The following JAM3 variants were observed in gnomAD, a reference collection of about 807,000 sequenced individuals.
JAM3 encodes junctional adhesion molecule 3.
Under a neutral mutation model 39.4 loss-of-function variants are expected in JAM3, and 31 were observed. The ratio of observed to expected loss-of-function variants is 0.79; its 90% CI spans 0.59 to 1.06. The LOEUF is 1.06. Among genes scored for constraint, JAM3 ranks in the 50% least tolerant of loss-of-function variants. The probability of loss-of-function intolerance (pLI) is 0.00; values close to 1 mark genes in which losing one functional copy is unlikely to be tolerated. For missense variants in JAM3, 455 were observed against 391.4 expected (o/e 1.16, Z -1.37); for synonymous variants, 182 against 148.7 (o/e 1.22, Z -1.63).
chr11:134,117,007 C>T (rs1427139157), intron 1 of JAM3, among the ~76,000 whole-genome samples: 4 of 151,878 alleles, frequency 2.6e-5, no homozygotes, highest in African/African-American at 9.7e-5. Flanking sequence ...ACCATTTCTA[C>T]TCAACACCAT....
intron 1 of JAM3, among the ~76,000 whole-genome samples, chr11:134,119,131 G>T (rs1211352928): frequency 1.3e-5 from 2 of 151,848 alleles, no homozygotes; most frequent in Admixed American, 6.6e-5. Flanking sequence ...CCGCCATGTT[G>T]GCCAGGCTGG....
rs532810293 is a variant in JAM3 at position 134,076,743 on chromosome 11, A to G, written c.76+7584A>G. Reference sequence around the variant, plus strand: ...ATTTTTTTAGAGACGAGGTCTCACTATATTGCCCACACTGAACTCCTGGTC... The same window carrying G: ...ATTTTTTTAGAGACGAGGTCTCACTGTATTGCCCACACTGAACTCCTGGTC... On this transcript the variant is annotated intron_variant, in intron 1 of 8. Transcript: ENST00000299106. Among the ~76,000 whole-genome samples the G allele has an allele frequency of 1.4e-3, 206 of 150,796 alleles. 1 individual carries two copies. The highest frequency in any genetic ancestry group is 2.7e-3 in the East Asian group (14 of 5,124).
chr11:134,133,157 G>C (rs116175144), intron 1 of JAM3, among the ~76,000 whole-genome samples: 295 of 152,270 alleles, frequency 1.9e-3, no homozygotes, highest in African/African-American at 6.8e-3. Context: ...TGCAGCCTTG[G>C]TGAACTCATT....
intron 1 of JAM3, chr11:134,123,765 A>G (rs1942583668): frequency 6.0e-6 from 4 of 664,876 alleles, no homozygotes; most frequent in Admixed American, 2.1e-5. Context: ...TCACATTTCC[A>G]GGTACCAAGG....
At chr11:134,134,857 T>C (rs1942834095) in intron 1 of JAM3, among the ~76,000 whole-genome samples, 1 of 152,252 alleles carries the variant, frequency 6.6e-6, no homozygotes, top group South Asian at 2.1e-4. Flanking sequence ...TGTGTTTTTT[T>C]GGTCGGTGAG....
At chr11:134,147,098 G>A (rs1052964192) in intron 6 of JAM3, among the ~76,000 whole-genome samples, 34 of 152,214 alleles carry the variant, frequency 2.2e-4, no homozygotes, top group African/African-American at 7.7e-4. Context: ...CTGCAGTTTT[G>A]CCCCAGACCT....
chr11:134,147,408 T>G (rs1446914092), intron 6 of JAM3, among the ~76,000 whole-genome samples: 3 of 131,330 alleles, frequency 2.3e-5, no homozygotes, highest in African/African-American at 8.9e-5. Context: ...GAGCCGAGAT[T>G]GCACCACAGA....
At chr11:134,097,793 A>G (rs1942008868) in intron 1 of JAM3, among the ~76,000 whole-genome samples, 1 of 151,924 alleles carries the variant, frequency 6.6e-6, no homozygotes, top group Admixed American at 6.6e-5. Flanking sequence ...GATCATGGAA[A>G]GTAGTTTAAA....
chr11:134,109,942 G>T (rs1250572856), intron 1 of JAM3, among the ~76,000 whole-genome samples: 1 of 152,142 alleles, frequency 6.6e-6, no homozygotes, highest in Non-Finnish European at 1.5e-5. Context: ...TTTTCCTTTT[G>T]GCAGAGTGAA....
At chr11:134,135,564 G>A (rs1942849553) in intron 1 of JAM3, among the ~76,000 whole-genome samples, 2 of 149,636 alleles carry the variant, frequency 1.3e-5, no homozygotes, top group African/African-American at 4.9e-5. Context: ...TTGAGATGGA[G>A]TCTCACTCTG....
intron 1 of JAM3, among the ~76,000 whole-genome samples, chr11:134,082,761 A>G (rs147293332): frequency 6.0e-4 from 92 of 152,274 alleles, no homozygotes; most frequent in Middle Eastern, 3.4e-3. Context: ...ATGCATATAC[A>G]TGAAAAGTTT....
At chr11:134,090,272 G>C (rs1206599680) in intron 1 of JAM3, among the ~76,000 whole-genome samples, 1 of 152,166 alleles carries the variant, frequency 6.6e-6, no homozygotes, top group African/African-American at 2.4e-5. Flanking sequence ...TCACTGTGAT[G>C]GTAGTTTCTT....
intron 1 of JAM3, among the ~76,000 whole-genome samples, chr11:134,085,825 G>A (rs1461794997): frequency 2.6e-5 from 4 of 152,172 alleles, no homozygotes; most frequent in Non-Finnish European, 5.9e-5. Context: ...GTGTAAGGAG[G>A]TGAGTTTCTA....
At chr11:134,137,637 A>G (rs201348843) in intron 1 of JAM3, among the ~76,000 whole-genome samples, 85 of 140,466 alleles carry the variant, frequency 6.1e-4, no homozygotes, top group African/African-American at 7.5e-4. Flanking sequence ...TTTATGGCCA[A>G]TAGTCCCTTA....
At chr11:134,141,932 T>G (rs1009508681) in intron 3 of JAM3, among the ~76,000 whole-genome samples, 12 of 151,838 alleles carry the variant, frequency 7.9e-5, no homozygotes, top group Admixed American at 3.3e-4. Context: ...TCCAACACAG[T>G]CTTGCTTTGG....
chr11:134,135,602 A>T (rs1942850605), intron 1 of JAM3, among the ~76,000 whole-genome samples: 1 of 149,798 alleles, frequency 6.7e-6, no homozygotes, highest in Non-Finnish European at 1.5e-5. Context: ...CAGTGGCCTG[A>T]TCTCAGCTCA....
intron 6 of JAM3, chr11:134,147,824 C>A (rs1180354609): frequency 6.5e-6 from 1 of 152,684 alleles, no homozygotes; most frequent in Non-Finnish European, 1.5e-5. Flanking sequence ...TCTTTGAGAA[C>A]CAATACACTA....
At chr11:134,111,859 C>G (rs1476611784) in intron 1 of JAM3, among the ~76,000 whole-genome samples, 1 of 152,024 alleles carries the variant, frequency 6.6e-6, no homozygotes, top group Non-Finnish European at 1.5e-5. Flanking sequence ...AATAAGATAC[C>G]TACACATCAA....
At chr11:134,096,231 G>C (rs190658542) in intron 1 of JAM3, among the ~76,000 whole-genome samples, 1 of 151,982 alleles carries the variant, frequency 6.6e-6, no homozygotes. Context: ...CTCCTGCCTC[G>C]GCCTGGGATT....
Sources: gnomAD v4.1 joint callset for allele counts (sites outside exome capture counted in the v4.1 genomes callset) on GRCh38, gnomAD v4.1.1 for gene constraint, MANE v1.5 for transcripts, NCBI Gene and HGNC (gene_info 2026-07-23, HGNC 2026-07-21) for gene names.